Variants in SIPA1L2 observed in about 807,000 individuals in gnomAD.
SIPA1L2 encodes signal-induced proliferation-associated 1-like protein 2.
In SIPA1L2, 56 loss-of-function variants were observed where a neutral mutation model predicts 163.9. The observed-to-expected ratio is 0.34, with a 90% CI of 0.28 to 0.43. The LOEUF is 0.43. Among genes scored for constraint, SIPA1L2 ranks in the 20% least tolerant of loss-of-function variants. SIPA1L2 has a pLI of 1.00. For missense variants in SIPA1L2, 1,974 were observed against 2,193.5 expected (o/e 0.90, Z 2.00); for synonymous variants, 877 against 865.7 (o/e 1.01, Z -0.23).
chr1:232,428,533 C>T lies in SIPA1L2; in HGVS notation c.4288G>A (p.Ala1430Thr), dbSNP rs2102821347. The T allele has an allele frequency of 6.3e-7, 1 of 1,587,240 alleles. No individual in the cohort carries two copies. The highest frequency in any genetic ancestry group is 8.6e-7 in the Non-Finnish European group (1 of 1,169,266). ...CCCACCACTGTCTGATGCTGAGTTG[C>T]TGTGGACATGACATCCATCTCACTA... ...MYSEMDVMST[A>T]TQHQTVVGDA... The change falls in exon 17 of 23, where the codon GCA becomes ACA. Residue 1430 changes from alanine to threonine, a missense_variant. Transcript: ENST00000674635.
chr1:232,514,616 G>A lies in SIPA1L2; in HGVS notation c.724C>T (p.Pro242Ser). 1.2e-6 allele frequency: 2 copies of A among 1,614,190 alleles called. No homozygotes were observed. The highest frequency in any genetic ancestry group is 2.2e-5 in the South Asian group (2 of 91,084). The part of the protein sequence containing the change: ...EFFRCDPAIS[P>S]SLHAAAQISR... Reference sequence around the variant, plus strand: ...ATCTGTGCTGCTGCATGAAGGCTCGGAGAGATTGCAGGGTCACAGCGGAAA... The same window carrying A: ...ATCTGTGCTGCTGCATGAAGGCTCGAAGAGATTGCAGGGTCACAGCGGAAA... Residue 242 changes from proline to serine, a missense_variant, in exon 3 of 23, where the codon CCG (proline) becomes TCG (serine). This residue lies in a region of SIPA1L2 where 607 missense variants were observed against 624.0 expected (regional missense o/e 0.97). Transcript: ENST00000674635.
chr1:232,432,560 C>T lies in SIPA1L2; in HGVS notation c.4032-89G>A, dbSNP rs114326182. ...AAATTCAGAGCCACAAGGCTTTACT[C>T]AAGTCTTTCTCCGAGAGCAAAATCG... On this transcript the variant is annotated intron_variant, in intron 15 of 22. Transcript: ENST00000674635. 1.1e-3 allele frequency: 1,316 copies of T among 1,251,006 alleles called. 16 individuals carry two copies. In the African/African-American group the frequency reaches 0.016, roughly 15 times the overall value. The allele number at this position is 1,251,006 out of a possible 1,614,324, so 77.5% of individuals were successfully genotyped here.
chr1:232,437,110 C>A, intron 15 of SIPA1L2, among the ~76,000 whole-genome samples: 1 of 152,280 alleles, frequency 6.6e-6, no homozygotes, highest in East Asian at 1.9e-4. Context: ...AAATCCATTA[C>A]AAATACCGGT....
chr1:232,595,394 T>C (rs1056829387), intron 1 of SIPA1L2, among the ~76,000 whole-genome samples: 1 of 152,058 alleles, frequency 6.6e-6, no homozygotes, highest in Non-Finnish European at 1.5e-5. Flanking sequence ...CAAACTACAA[T>C]TGAAGGTCTA....
chr1:232,404,269 AGT>A (rs1202003441), intron 19 of SIPA1L2, 91 bp from the exon 20 acceptor site: 919 of 1,103,736 alleles, frequency 8.3e-4, no homozygotes, highest in Non-Finnish European at 9.5e-4. Context: ...TGTGTGAAGT[AGT>A]GTGTGTGTGT....
In SIPA1L2 at chr1:232,564,270, GTGTGTGTGTGTA is replaced by G. The variant is rs1159691476; in HGVS notation, c.-270+9892_-270+9903del. 3.1e-4 allele frequency among the ~76,000 whole-genome samples: 33 copies of G among 107,824 alleles called. No homozygotes were observed. The South Asian group carries it at 3.7e-3, about 12-fold the overall frequency. The allele number at this position is 107,824 out of a possible 152,430, so 70.7% of individuals were successfully genotyped here. ...TGTGTGTGTGTGTGTGTGTGTGTGT[GTGTGTGTGTGTA>G]TGATGGAGTTTTGCTCTTGTTGCCC... On this transcript the variant is annotated intron_variant, in intron 2 of 22. Coordinates refer to ENST00000674635, the MANE Select transcript of SIPA1L2 (RefSeq NM_020808.5).
intron 18 of SIPA1L2, among the ~76,000 whole-genome samples, chr1:232,422,293 A>C (rs1278349862): frequency 6.6e-6 from 1 of 152,260 alleles, no homozygotes; most frequent in Non-Finnish European, 1.5e-5. Context: ...CTTCACAGGA[A>C]ATATACATGA....
chr1:232,535,594 C>T (rs1304448603), intron 2 of SIPA1L2, among the ~76,000 whole-genome samples: 2 of 152,078 alleles, frequency 1.3e-5, no homozygotes, highest in African/African-American at 2.4e-5. Context: ...AATAATCTGC[C>T]AAGTCATTAT....
At chr1:232,572,738 C>CATATATAT (rs1219493276) in intron 2 of SIPA1L2, among the ~76,000 whole-genome samples, 3 of 39,700 alleles carry the variant, frequency 7.6e-5, no homozygotes, top group Non-Finnish European at 1.6e-4. Context: ...TACATACATA[C>CATATATAT]ATATATATAT....
intron 1 of SIPA1L2, among the ~76,000 whole-genome samples, chr1:232,575,364 A>G (rs746578603): frequency 3.3e-5 from 5 of 152,220 alleles, no homozygotes; most frequent in Non-Finnish European, 5.9e-5. Flanking sequence ...GCGATAAACT[A>G]TAAGGTCACC....
At chr1:232,562,427 A>G (rs1659093473) in intron 2 of SIPA1L2, among the ~76,000 whole-genome samples, 1 of 152,218 alleles carries the variant, frequency 6.6e-6, no homozygotes, top group Non-Finnish European at 1.5e-5. Context: ...AAAAAGTCAA[A>G]GCTACACAGG....
At chr1:232,539,098 CA>C (rs1349117374) in intron 2 of SIPA1L2, among the ~76,000 whole-genome samples, 1 of 152,234 alleles carries the variant, frequency 6.6e-6, no homozygotes, top group Non-Finnish European at 1.5e-5. Context: ...AAGCAAACAG[CA>C]AATCTGTTTA....
At chr1:232,566,213 C>T (rs1422068451) in intron 2 of SIPA1L2, among the ~76,000 whole-genome samples, 2 of 152,200 alleles carry the variant, frequency 1.3e-5, no homozygotes, top group African/African-American at 2.4e-5. Context: ...CTCAGCCTCT[C>T]AGCCTCTATC....
chr1:232,567,945 C>T (rs185538158), intron 2 of SIPA1L2, among the ~76,000 whole-genome samples: 4 of 152,266 alleles, frequency 2.6e-5, no homozygotes, highest in East Asian at 3.9e-4. Context: ...TCTAACAGTC[C>T]GAAACGCCAG....
In SIPA1L2 at chr1:232,608,425, A is replaced by G. The variant is rs555330043; in HGVS notation, c.-319+21444T>C. On this transcript the variant is annotated intron_variant, in intron 1 of 22. Coordinates refer to ENST00000674635, the MANE Select transcript of SIPA1L2 (RefSeq NM_020808.5). ...CTCACAAGGGTTCAAATATCCAGTG[A>G]GGGACTGCTGCAGAGGAAAGACCAC... 1.5e-3 allele frequency among the ~76,000 whole-genome samples: 230 copies of G among 152,324 alleles called. 1 individual carries two copies. Among genetic ancestry groups the G allele is most frequent in the African/African-American group, 5.3e-3 (220 of 41,574 alleles).
chr1:232,483,329 G>A (rs1210750038), intron 6 of SIPA1L2, among the ~76,000 whole-genome samples: 5 of 151,336 alleles, frequency 3.3e-5, no homozygotes, highest in African/African-American at 4.9e-5. Flanking sequence ...AGATGCATTC[G>A]CTTTTTAATC....
intron 1 of SIPA1L2, among the ~76,000 whole-genome samples, chr1:232,583,261 G>GA (rs1053506867): frequency 5.9e-5 from 9 of 152,208 alleles, no homozygotes; most frequent in African/African-American, 2.2e-4. Flanking sequence ...TATAAGTTAG[G>GA]AAGTAATAGG....
intron 3 of SIPA1L2, among the ~76,000 whole-genome samples, chr1:232,493,999 T>C (rs1015676972): frequency 6.6e-6 from 1 of 152,206 alleles, no homozygotes; most frequent in East Asian, 1.9e-4. Flanking sequence ...ACATGGCTAC[T>C]TGTAGAATCA....
At chr1:232,530,982 G>T (rs938845467) in intron 2 of SIPA1L2, among the ~76,000 whole-genome samples, 2 of 152,146 alleles carry the variant, frequency 1.3e-5, no homozygotes, top group African/African-American at 2.4e-5. Flanking sequence ...TCATTTATAT[G>T]AGTCCAAAAC....
Sources: gnomAD v4.1 joint callset for allele counts (sites outside exome capture counted in the v4.1 genomes callset) on GRCh38, gnomAD v4.1.1 for gene constraint, gnomAD v4.1.1 regional missense constraint, MANE v1.5 for transcripts, NCBI Gene and HGNC (gene_info 2026-07-23, HGNC 2026-07-21) for gene names.